The following ROBO2 variants were observed in gnomAD, a reference collection of about 807,000 sequenced individuals.
ROBO2 encodes roundabout homolog 2.
A neutral mutation model predicts 160.8 loss-of-function variants in ROBO2; 53 were observed. The observed-to-expected ratio is 0.33, with a 90% confidence interval of 0.26 to 0.41. The LOEUF (loss-of-function observed/expected upper bound fraction) is 0.41. Ranked by LOEUF, ROBO2 falls within the 10% of genes least tolerant of loss-of-function variation. The pLI, the probability that ROBO2 is intolerant of heterozygous loss-of-function variation, is 1.00. For synonymous variants in ROBO2, 664 were observed against 611.7 expected (o/e 1.09, Z -1.26); for missense variants, 1,577 against 1,722.4 (o/e 0.92, Z 1.49).
intron 2 of ROBO2, among the ~76,000 whole-genome samples, chr3:76,818,676 G>A (rs1374357724): frequency 6.6e-6 from 1 of 151,960 alleles, no homozygotes; most frequent in Non-Finnish European, 1.5e-5. Context: ...TCTCCACGTG[G>A]CTTGACAATT....
intron 2 of ROBO2, among the ~76,000 whole-genome samples, chr3:76,419,870 T>C (rs2108912602): frequency 6.6e-6 from 1 of 152,316 alleles, no homozygotes; most frequent in East Asian, 1.9e-4. Context: ...CTAACTCTAA[T>C]GGGTTTTTGT....
intron 2 of ROBO2, among the ~76,000 whole-genome samples, chr3:76,022,341 A>T (rs914324797): frequency 6.6e-6 from 1 of 151,788 alleles, no homozygotes; most frequent in African/African-American, 2.4e-5. Context: ...AAGAATCACA[A>T]ATGTCCTTAG....
chr3:76,863,844 C>A (rs554003065), intron 2 of ROBO2, among the ~76,000 whole-genome samples: 1 of 152,072 alleles, frequency 6.6e-6, no homozygotes, highest in Non-Finnish European at 1.5e-5. Flanking sequence ...TTATCTCAAT[C>A]TAAATTTAAA....
intron 2 of ROBO2, among the ~76,000 whole-genome samples, chr3:77,442,632 G>A (rs559246422): frequency 6.6e-6 from 1 of 152,286 alleles, no homozygotes; most frequent in Non-Finnish European, 1.5e-5. Flanking sequence ...GTATCAGTTA[G>A]TAGCAGTGAA....
At chr3:76,695,788 A>C (rs1476051102) in intron 2 of ROBO2, among the ~76,000 whole-genome samples, 2 of 152,146 alleles carry the variant, frequency 1.3e-5, no homozygotes, top group Non-Finnish European at 2.9e-5. Context: ...AACTTGGGCA[A>C]GTCACCTGGC....
intron 2 of ROBO2, among the ~76,000 whole-genome samples, chr3:76,825,603 C>CAAAAAAAAAAAAA (rs201063990): frequency 1.3e-3 from 94 of 72,472 alleles, no homozygotes; most frequent in Non-Finnish European, 1.8e-3. Flanking sequence ...TCATCTTAGC[C>CAAAAAAAAAAAAA]AAAAAAAAAA....
intron 2 of ROBO2, among the ~76,000 whole-genome samples, chr3:76,751,853 A>G (rs2060671432): frequency 2.0e-5 from 3 of 152,150 alleles, no homozygotes; most frequent in Admixed American, 1.3e-4. Flanking sequence ...GGGACTGTAA[A>G]CTAGTTCAAC....
At chr3:76,881,000 G>T (rs996274114) in intron 2 of ROBO2, among the ~76,000 whole-genome samples, 8 of 152,242 alleles carry the variant, frequency 5.3e-5, no homozygotes, top group Admixed American at 2.6e-4. Context: ...ACCTGCAGGT[G>T]TCTCTAATCA....
In ROBO2 at chr3:76,341,537, CT is replaced by C. The variant is rs573369475; in HGVS notation, c.109+403937del. ...AAAAAAAGATGTGTTGATATTTTCC[CT>C]TGTGCTGTGGACTGTTCAACTGGAT... On this transcript the variant is annotated intron_variant, in intron 2 of 26. Coordinates refer to the ROBO2 transcript ENST00000487694. Among the ~76,000 whole-genome samples the C allele has an allele frequency of 3.1e-3, 469 of 150,474 alleles. 3 individuals carry two copies. The highest frequency in any genetic ancestry group is 0.011 in the African/African-American group (443 of 40,934).
chr3:76,691,484 A>C (rs980708932), intron 2 of ROBO2, among the ~76,000 whole-genome samples: 4 of 152,176 alleles, frequency 2.6e-5, no homozygotes, highest in African/African-American at 9.7e-5. Flanking sequence ...CTAAAAAAAA[A>C]TTAAATGGGC....
chr3:76,225,932 A>G (rs1382590135), intron 2 of ROBO2, among the ~76,000 whole-genome samples: 2 of 152,176 alleles, frequency 1.3e-5, no homozygotes, highest in Non-Finnish European at 2.9e-5. Context: ...TATGGCAAAT[A>G]TGGACCAATT....
At chr3:77,047,487 C>T (rs927639495) in intron 1 of ROBO2, among the ~76,000 whole-genome samples, 3 of 147,688 alleles carry the variant, frequency 2.0e-5, no homozygotes, top group African/African-American at 7.5e-5. Flanking sequence ...GAGTTCAAGA[C>T]CAGCCTGGCC....
At chr3:76,566,385 C>A (rs1334827491) in intron 2 of ROBO2, among the ~76,000 whole-genome samples, 1 of 152,132 alleles carries the variant, frequency 6.6e-6, no homozygotes, top group Non-Finnish European at 1.5e-5. Context: ...CCTAGTACAT[C>A]ACTCACTTTC....
intron 2 of ROBO2, among the ~76,000 whole-genome samples, chr3:77,307,129 T>C (rs1385226045): frequency 6.6e-6 from 1 of 152,202 alleles, no homozygotes; most frequent in Non-Finnish European, 1.5e-5. Context: ...TTGTGATATA[T>C]AAACTTCATT....
chr3:76,740,014 C>G (rs1351612067), intron 2 of ROBO2, among the ~76,000 whole-genome samples: 1 of 152,068 alleles, frequency 6.6e-6, no homozygotes, highest in Non-Finnish European at 1.5e-5. Flanking sequence ...CGTTTTTGAA[C>G]ATATCTTTTT....
chr3:77,550,735 A>G, intron 7 of ROBO2, 83 bp from the exon 9 acceptor site: 4 of 1,383,748 alleles, frequency 2.9e-6, no homozygotes, highest in Non-Finnish European at 4.1e-6. Context: ...TTCCCACTGT[A>G]TTCCTTAATT....
chr3:75,933,482 G>T (rs1250836110), intron 1 of ROBO2, among the ~76,000 whole-genome samples: 1 of 151,832 alleles, frequency 6.6e-6, no homozygotes, highest in Admixed American at 6.6e-5. Context: ...ATTGCCAACA[G>T]CAATACTTGC....
chr3:75,947,968 A>G (rs1386594540), intron 2 of ROBO2, among the ~76,000 whole-genome samples: 1 of 152,086 alleles, frequency 6.6e-6, no homozygotes, highest in Non-Finnish European at 1.5e-5. Context: ...CTGAAGTTGG[A>G]AGATCAAATC....
intron 6 of ROBO2, among the ~76,000 whole-genome samples, chr3:77,545,515 A>T (rs1354696565): frequency 6.6e-6 from 1 of 152,042 alleles, no homozygotes; most frequent in African/African-American, 2.4e-5. Context: ...GTCTGAGATT[A>T]CCTCTACCAT....
Sources: gnomAD v4.1 joint callset for allele counts (sites outside exome capture counted in the v4.1 genomes callset) on GRCh38, gnomAD v4.1.1 for gene constraint, MANE v1.5 for transcripts, NCBI Gene and HGNC (gene_info 2026-07-23, HGNC 2026-07-21) for gene names.